The following LIPA variants were observed in gnomAD, a reference collection of about 807,000 sequenced individuals.
LIPA encodes lysosomal acid lipase/cholesteryl ester hydrolase.
LIPA carries 26 observed loss-of-function variants against 40.6 expected under a neutral mutation model. That is an observed-to-expected ratio of 0.64 (90% CI 0.47 to 0.89). The LOEUF (loss-of-function observed/expected upper bound fraction) is 0.89. LIPA is among the 40% of genes least tolerant of loss of function. The pLI, the probability that LIPA is intolerant of heterozygous loss-of-function variation, is 0.00. For missense variants in LIPA, 455 were observed against 479.6 expected, an observed-to-expected ratio of 0.95 and a Z score of 0.48; for synonymous variants, 188 against 168.4, an observed-to-expected ratio of 1.12 and a Z score of -0.90.
At chr10:89,347,967 C>A (rs746538317) in intron 2 of LIPA, among the ~76,000 whole-genome samples, 5 of 152,186 alleles carry the variant, frequency 3.3e-5, no homozygotes, top group Non-Finnish European at 5.9e-5. Flanking sequence ...GTGAGGCCTA[C>A]CACCGTAAGG....
In LIPA at chr10:89,291,639, A is replaced by G. The variant is rs543849038; in HGVS notation, c.-1-43990T>C. ...GTGCTTTACTCAGAAATCCCTGACC[A>G]TGAGCTGAGTGCAATGATTCCTTGA... On this transcript the variant is annotated intron_variant, in intron 1 of 5. Coordinates refer to the LIPA transcript ENST00000282673. Among the ~76,000 whole-genome samples, 3 of 152,266 alleles carry G rather than the reference A, an allele frequency of 2.0e-5. No homozygotes were observed. In the East Asian group the frequency reaches 5.8e-4, roughly 29 times the overall value.
chr10:89,380,726 C>T (rs1274020311), intron 2 of LIPA, among the ~76,000 whole-genome samples: 1 of 152,180 alleles, frequency 6.6e-6, no homozygotes, highest in Admixed American at 6.5e-5. Flanking sequence ...AGCCACCACG[C>T]TGGGGCCTAA....
chr10:89,253,275 G>A (rs371407108), upstream of LIPA, among the ~76,000 whole-genome samples: 14 of 152,194 alleles, frequency 9.2e-5, no homozygotes, highest in East Asian at 7.7e-4. Flanking sequence ...GGTAATTTAT[G>A]AAGGAAAAAG....
intron 2 of LIPA, among the ~76,000 whole-genome samples, chr10:89,368,854 T>C (rs1019580859): frequency 2.0e-5 from 3 of 151,470 alleles, no homozygotes; most frequent in Non-Finnish European, 4.4e-5. Context: ...CCCCAGACCA[T>C]CACTTTAACT....
At chr10:89,357,419 A>G (rs959176304) in intron 2 of LIPA, among the ~76,000 whole-genome samples, 2 of 152,220 alleles carry the variant, frequency 1.3e-5, no homozygotes, top group African/African-American at 2.4e-5. Flanking sequence ...TGTTTCTAGC[A>G]TATTTTTAAA....
intron 9 of LIPA, 41 bp from the exon 10 acceptor site, chr10:89,215,102 T>G (rs755204773): frequency 6.9e-7 from 1 of 1,440,632 alleles, no homozygotes; most frequent in Non-Finnish European, 9.8e-7. Flanking sequence ...GTTGTTGTTG[T>G]TGTTTTAATT....
chr10:89,412,945 A>C (rs1841486983), intron 1 of LIPA: 1 of 237,932 alleles, frequency 4.2e-6, no homozygotes. Context: ...AATTCCGGAC[A>C]CACCATCACC....
chr10:89,342,286 C>A (rs537592265), intron 1 of LIPA, among the ~76,000 whole-genome samples: 21 of 152,264 alleles, frequency 1.4e-4, no homozygotes, highest in African/African-American at 3.4e-4. Context: ...ATAAGATGGG[C>A]AGAGAGCACA....
chr10:89,388,723 G>A (rs1449379208), intron 2 of LIPA, among the ~76,000 whole-genome samples: 2 of 151,542 alleles, frequency 1.3e-5, no homozygotes, highest in African/African-American at 4.9e-5. Flanking sequence ...TGGGGAATTT[G>A]GATGAAAAGT....
rs746782821 is a variant in LIPA at position 89,306,356 on chromosome 10, G to A, written c.-2+36255C>T. On this transcript the variant is annotated intron_variant, in intron 1 of 5. Coordinates refer to the LIPA transcript ENST00000282673. ...GAAGTTTTCCAGTCCCTATAGAATT[G>A]AGAGTCCAGAGCTTGACTGTGAGGA... 3.1e-6 allele frequency: 5 copies of A among 1,614,142 alleles called. No homozygotes were observed. In the South Asian group the frequency reaches 5.5e-5, roughly 18 times the overall value.
At chr10:89,316,075 C>T (rs1234598794) in intron 1 of LIPA, among the ~76,000 whole-genome samples, 1 of 152,138 alleles carries the variant, frequency 6.6e-6, no homozygotes, top group African/African-American at 2.4e-5. Flanking sequence ...CTCCTAGAGA[C>T]ATTATTAAAA....
rs114532105 is a variant in LIPA at position 89,364,407 on chromosome 10, T to C, written c.61+48384A>G. 3.7e-3 allele frequency among the ~76,000 whole-genome samples: 558 copies of C among 152,216 alleles called. 2 individuals carry two copies. Among genetic ancestry groups the C allele is most frequent in the African/African-American group, 0.013 (533 of 41,504 alleles). ...CAACTTTTTCATATGGGCAAAGATG[T>C]TGACCCACAAGAAGATCTACAAACA... On this transcript the variant is annotated intron_variant, in intron 2 of 8. Transcript: ENST00000371837.
At chr10:89,339,159 C>T (rs146881667) in intron 1 of LIPA, 53 of 1,614,004 alleles carry the variant, frequency 3.3e-5, no homozygotes, top group Non-Finnish European at 4.2e-5. Flanking sequence ...AAAAGCCCAA[C>T]AACCCAGAAT....
chr10:89,282,754 C>T (rs979455504), intron 1 of LIPA, among the ~76,000 whole-genome samples: 6 of 152,348 alleles, frequency 3.9e-5, no homozygotes, highest in Non-Finnish European at 5.9e-5. Flanking sequence ...TGCTACCACT[C>T]TTTACAGATG....
chr10:89,365,655 A>G (rs911290944), intron 2 of LIPA, among the ~76,000 whole-genome samples: 2 of 152,028 alleles, frequency 1.3e-5, no homozygotes, highest in Non-Finnish European at 2.9e-5. Flanking sequence ...ATCCAGTTTC[A>G]GCTTTCTACA....
chr10:89,276,641 A>G (rs2133495808), intron 1 of LIPA, among the ~76,000 whole-genome samples: 1 of 152,282 alleles, frequency 6.6e-6, no homozygotes, highest in South Asian at 2.1e-4. Context: ...GAAGAGACTT[A>G]TTTTTCTGTC....
intron 1 of LIPA, among the ~76,000 whole-genome samples, chr10:89,296,411 G>T (rs946890356): frequency 6.8e-6 from 1 of 147,582 alleles, no homozygotes; most frequent in South Asian, 2.2e-4. Context: ...AGAACTGCTT[G>T]AACCCGGTAG....
At chr10:89,269,187 G>A (rs1165261126) in intron 1 of LIPA, among the ~76,000 whole-genome samples, 1 of 151,226 alleles carries the variant, frequency 6.6e-6, no homozygotes, top group East Asian at 1.9e-4. Flanking sequence ...AAAATTAGCT[G>A]GGCGTGGTGG....
Position 89,227,009 on chromosome 10 carries a change from A to G in LIPA, c.429-5T>C. On this transcript the variant is annotated splice_region_variant and splice_polypyrimidine_tract_variant and intron_variant, in intron 4 of 9. Transcript: ENST00000336233. ...TATTTTGCCATCTCATCATAACTGT[A>G]ATCCAAGAAAGGAACTCTTTCATTG... The G allele has an allele frequency of 6.5e-7, 1 of 1,531,112 alleles. No homozygotes were observed. The highest frequency in any genetic ancestry group is 1.7e-4 in the Middle Eastern group (1 of 5,840). 94.8% of individuals were successfully genotyped at this position (1,531,112 alleles called of 1,614,324 possible). A position where few individuals can be genotyped will look rare whatever the true frequency, so the allele number is the denominator to read the frequency against.
Sources: gnomAD v4.1 joint callset for allele counts (sites outside exome capture counted in the v4.1 genomes callset) on GRCh38, gnomAD v4.1.1 for gene constraint, MANE v1.5 for transcripts, NCBI Gene and HGNC (gene_info 2026-07-23, HGNC 2026-07-21) for gene names.